Variants in EPHA6 observed in about 807,000 individuals in gnomAD.
The protein encoded by EPHA6 is ephrin type-A receptor 6.
A neutral mutation model predicts 112.0 loss-of-function variants in EPHA6; 50 were observed. That is an observed-to-expected ratio of 0.45 (90% CI 0.36 to 0.56). The LOEUF (loss-of-function observed/expected upper bound fraction) is 0.56, where lower values mean the gene tolerates loss of function less well. Ranked by LOEUF, EPHA6 falls within the 20% of genes least tolerant of loss-of-function variation. The pLI, the probability that EPHA6 is intolerant of heterozygous loss-of-function variation, is 0.00. For synonymous variants in EPHA6, 529 were observed against 490.7 expected (o/e 1.08, Z -1.03); for missense variants, 1,280 against 1,417.4 (o/e 0.90, Z 1.56).
intron 5 of EPHA6, among the ~76,000 whole-genome samples, chr3:97,355,418 C>A (rs1442104952): frequency 6.6e-6 from 1 of 152,046 alleles, no homozygotes; most frequent in Middle Eastern, 3.4e-3. Context: ...GTTTGTTAGT[C>A]CATTTGTTTG....
chr3:97,436,050 G>C (rs887732959), intron 6 of EPHA6, among the ~76,000 whole-genome samples: 10 of 152,064 alleles, frequency 6.6e-5, no homozygotes, highest in Non-Finnish European at 1.0e-4. Flanking sequence ...TCAGTGATGA[G>C]ATATTTAGTT....
intron 11 of EPHA6, among the ~76,000 whole-genome samples, chr3:97,536,722 G>T (rs2092769511): frequency 6.6e-6 from 1 of 152,030 alleles, no homozygotes; most frequent in Admixed American, 6.6e-5. Flanking sequence ...CCAGAATTTT[G>T]TTCTGCTTGT....
chr3:97,405,627 A>G (rs1165470955), intron 6 of EPHA6, among the ~76,000 whole-genome samples: 1 of 152,130 alleles, frequency 6.6e-6, no homozygotes, highest in East Asian at 1.9e-4. Context: ...AAATTTTAAT[A>G]TTGAATTACT....
chr3:97,230,337 A>T (rs1000707412), intron 4 of EPHA6, among the ~76,000 whole-genome samples: 1 of 152,196 alleles, frequency 6.6e-6, no homozygotes, highest in African/African-American at 2.4e-5. Flanking sequence ...AACAAGGTCT[A>T]TGAATGTGAT....
intron 4 of EPHA6, among the ~76,000 whole-genome samples, chr3:97,240,798 A>C (rs980030792): frequency 3.3e-5 from 5 of 151,868 alleles, no homozygotes; most frequent in Non-Finnish European, 7.4e-5. Flanking sequence ...TGGATTCAAC[A>C]AAGTGAAGCA....
intron 5 of EPHA6, among the ~76,000 whole-genome samples, chr3:97,393,610 G>T (rs771683480): frequency 2.0e-5 from 3 of 151,696 alleles, no homozygotes; most frequent in Non-Finnish European, 4.4e-5. Flanking sequence ...CTGTGCAAAC[G>T]TTTTCACAAT....
intron 8 of EPHA6, among the ~76,000 whole-genome samples, chr3:97,477,792 G>GAAGTTATATACAATTT (rs2091420344): frequency 8.7e-6 from 1 of 114,738 alleles, no homozygotes; most frequent in African/African-American, 4.7e-5. Flanking sequence ...TAATTATCAT[G>GAAGTTATATACAATTT]AAGGACAATC....
intron 5 of EPHA6, among the ~76,000 whole-genome samples, chr3:97,269,681 AT>A (rs1445507588): frequency 2.0e-5 from 3 of 152,278 alleles, no homozygotes; most frequent in South Asian, 4.1e-4. Context: ...GAGCATCAGA[AT>A]TTTTTTGTTT....
intron 5 of EPHA6, among the ~76,000 whole-genome samples, chr3:97,387,657 T>A (rs2086149998): frequency 6.6e-6 from 1 of 152,166 alleles, no homozygotes; most frequent in Non-Finnish European, 1.5e-5. Context: ...ATCTTCCTGT[T>A]TTCTTCTGAG....
intron 1 of EPHA6, among the ~76,000 whole-genome samples, chr3:96,852,464 T>C (rs2035450825): frequency 6.6e-6 from 1 of 152,022 alleles, no homozygotes; most frequent in South Asian, 2.1e-4. Context: ...AGTTTAATCT[T>C]CTGGACAGGA....
chr3:97,370,644 G>A (rs2084994492), intron 5 of EPHA6, among the ~76,000 whole-genome samples: 1 of 152,060 alleles, frequency 6.6e-6, no homozygotes, highest in Non-Finnish European at 1.5e-5. Context: ...TATATTTAAG[G>A]TTTTTTATTT....
At chr3:97,446,820 T>G (rs2090361520) in intron 6 of EPHA6, among the ~76,000 whole-genome samples, 1 of 152,158 alleles carries the variant, frequency 6.6e-6, no homozygotes, top group Non-Finnish European at 1.5e-5. Flanking sequence ...AAGGCCTTGA[T>G]ATGAGCAAGC....
At chr3:97,384,964 G>C (rs575732795) in intron 5 of EPHA6, among the ~76,000 whole-genome samples, 8 of 152,080 alleles carry the variant, frequency 5.3e-5, no homozygotes, top group Non-Finnish European at 1.0e-4. Flanking sequence ...ATTTTTTAAA[G>C]GCCTGATTTG....
chr3:97,640,646 G>T (rs1156392329), intron 14 of EPHA6, among the ~76,000 whole-genome samples: 1 of 152,090 alleles, frequency 6.6e-6, no homozygotes, highest in Non-Finnish European at 1.5e-5. Flanking sequence ...CAGGCGTGGT[G>T]GCGCATGCCT....
At chr3:97,068,743 G>A (rs1413112216) in intron 3 of EPHA6, among the ~76,000 whole-genome samples, 1 of 152,002 alleles carries the variant, frequency 6.6e-6, no homozygotes, top group Non-Finnish European at 1.5e-5. Flanking sequence ...AGATCATGCG[G>A]GTAGAACACT....
intron 5 of EPHA6, among the ~76,000 whole-genome samples, chr3:97,361,194 G>A (rs1423138301): frequency 6.6e-6 from 1 of 152,172 alleles, no homozygotes; most frequent in Non-Finnish European, 1.5e-5. Context: ...TCATTAATGT[G>A]TACACCTAGA....
At chr3:97,653,575 T>A (rs1187554085) in intron 14 of EPHA6, among the ~76,000 whole-genome samples, 1 of 151,824 alleles carries the variant, frequency 6.6e-6, no homozygotes. Context: ...TTGGTACAGC[T>A]ATCATGGAAA....
intron 2 of EPHA6, among the ~76,000 whole-genome samples, chr3:96,966,164 G>T (rs1203373079): frequency 6.6e-6 from 1 of 152,060 alleles, no homozygotes; most frequent in African/African-American, 2.4e-5. Flanking sequence ...TTTAAAAAAT[G>T]TTAAACTGGT....
At chr3:97,159,413 G>A (rs1033077980) in intron 3 of EPHA6, among the ~76,000 whole-genome samples, 1 of 152,110 alleles carries the variant, frequency 6.6e-6, no homozygotes, top group Non-Finnish European at 1.5e-5. Flanking sequence ...AGACCGCTAG[G>A]CCAGAAGAAC....
Sources: allele counts gnomAD v4.1 joint callset (sites outside exome capture counted in the v4.1 genomes callset), GRCh38; gene constraint gnomAD v4.1.1; transcripts MANE v1.5; gene names NCBI Gene and HGNC (gene_info 2026-07-23, HGNC 2026-07-21).